The following MKLN1 variants were observed in gnomAD, a reference collection of about 807,000 sequenced individuals.
MKLN1 encodes muskelin.
Under a neutral mutation model 99.0 loss-of-function variants are expected in MKLN1, and 18 were observed. That is an observed-to-expected ratio of 0.18 (90% CI 0.13 to 0.27). The LOEUF is 0.27. Among genes scored for constraint, MKLN1 ranks in the 10% least tolerant of loss-of-function variants. The pLI is 1.00. For synonymous variants in MKLN1, 288 were observed against 293.2 expected (o/e 0.98, Z 0.18); for missense variants, 621 against 875.9 (o/e 0.71, Z 3.67).
intron 2 of MKLN1, among the ~76,000 whole-genome samples, chr7:131,178,779 C>A (rs1377534776): frequency 6.6e-6 from 1 of 152,138 alleles, no homozygotes; most frequent in African/African-American, 2.4e-5. Context: ...CATTTATTTG[C>A]AAACTTTCAT....
At chr7:131,251,187 G>A (rs1797573159) in intron 3 of MKLN1, among the ~76,000 whole-genome samples, 1 of 151,858 alleles carries the variant, frequency 6.6e-6, no homozygotes, top group African/African-American at 2.4e-5. Context: ...GCAATCTTGT[G>A]TAACCACCAT....
rs113324932 is a variant in MKLN1 at position 131,343,399 on chromosome 7, C to T, written c.98+15402C>T. On this transcript the variant is annotated intron_variant, in intron 1 of 17. Coordinates refer to ENST00000352689, the MANE Select transcript of MKLN1 (RefSeq NM_013255.5). Reference sequence around the variant, plus strand: ...TGGTGTTCTTATCCTTATTTCTTTCCACATTCACCCTTTTTAATGCTTTTA... The same window carrying T: ...TGGTGTTCTTATCCTTATTTCTTTCTACATTCACCCTTTTTAATGCTTTTA... Among the ~76,000 whole-genome samples the T allele has an allele frequency of 3.0e-3, 455 of 152,164 alleles. 1 individual carries two copies. The highest frequency in any genetic ancestry group is 0.01 in the African/African-American group (433 of 41,512).
chr7:131,411,100 G>GTCAATTAACAAAA (rs1273552911), intron 6 of MKLN1, among the ~76,000 whole-genome samples: 2 of 152,132 alleles, frequency 1.3e-5, no homozygotes, highest in Non-Finnish European at 2.9e-5. Context: ...TTGTTTGCAT[G>GTCAATTAACAAAA]GTTGTGTCAA....
intron 1 of MKLN1, among the ~76,000 whole-genome samples, chr7:131,373,046 T>C (rs1056581436): frequency 1.3e-5 from 2 of 151,986 alleles, no homozygotes; most frequent in African/African-American, 2.4e-5. Context: ...AACACAGTCA[T>C]TGTCGTGGTT....
chr7:131,435,633 G>GT (rs1795655961), intron 9 of MKLN1, among the ~76,000 whole-genome samples: 1 of 151,922 alleles, frequency 6.6e-6, no homozygotes. Flanking sequence ...GGTAAGTTAG[G>GT]TTTTTTAACA....
chr7:131,220,494 A>T (rs1563256785), intron 3 of MKLN1, among the ~76,000 whole-genome samples: 1 of 152,194 alleles, frequency 6.6e-6, no homozygotes, highest in Non-Finnish European at 1.5e-5. Flanking sequence ...GCAGAGAAAG[A>T]GGTTTAATCA....
At chr7:131,385,998 C>T (rs1794003065) in intron 2 of MKLN1, among the ~76,000 whole-genome samples, 1 of 147,902 alleles carries the variant, frequency 6.8e-6, no homozygotes, top group African/African-American at 2.5e-5. Context: ...TTAGCTCTTA[C>T]ATTTAGGTCT....
In MKLN1 at chr7:131,487,595, C is replaced by A; in HGVS notation, c.2087-12C>A. 6.2e-7 allele frequency: 1 copy of A among 1,609,726 alleles called. No individual in the cohort carries two copies. Among genetic ancestry groups the A allele is most frequent in the Non-Finnish European group, 8.5e-7 (1 of 1,178,370 alleles). On this transcript the variant is annotated splice_polypyrimidine_tract_variant and intron_variant, in intron 17 of 17. Transcript: ENST00000352689. This position sits in a 1 kb window ranked among gnomAD's most constrained non-coding sequence, Gnocchi z 4.7. ...AAACACAATGGATGTTTCTTTGTAT[C>A]TTCTTCACCAGGCTTTTCTGATGTG...
intron 5 of MKLN1, among the ~76,000 whole-genome samples, chr7:131,398,258 T>A (rs1026650614): frequency 6.6e-6 from 1 of 152,168 alleles, no homozygotes; most frequent in Non-Finnish European, 1.5e-5. Flanking sequence ...TTTAAAAAAA[T>A]CCTTTTTATA....
chr7:131,237,405 T>C (rs1479304967), intron 3 of MKLN1, among the ~76,000 whole-genome samples: 1 of 152,164 alleles, frequency 6.6e-6, no homozygotes, highest in Non-Finnish European at 1.5e-5. Context: ...ACTACCTCAT[T>C]TTTCACACAG....
At chr7:131,195,688 C>T (rs1423580629) in intron 2 of MKLN1, among the ~76,000 whole-genome samples, 1 of 152,048 alleles carries the variant, frequency 6.6e-6, no homozygotes, top group East Asian at 1.9e-4. Flanking sequence ...CCCGGTGGCT[C>T]ACGCCTGGAA....
chr7:131,145,688 G>GT (rs1795806494), intron 2 of MKLN1, among the ~76,000 whole-genome samples: 1 of 152,254 alleles, frequency 6.6e-6, no homozygotes, highest in Non-Finnish European at 1.5e-5. Flanking sequence ...AAAGTTTGAG[G>GT]TCTATCCGGC....
chr7:131,239,949 A>G (rs1379694843), intron 3 of MKLN1, among the ~76,000 whole-genome samples: 1 of 152,222 alleles, frequency 6.6e-6, no homozygotes, highest in Non-Finnish European at 1.5e-5. Flanking sequence ...TGGGAGGCTG[A>G]GGCAGGATGA....
chr7:131,315,436 C>T (rs1175870256), intron 3 of MKLN1, among the ~76,000 whole-genome samples: 1 of 152,186 alleles, frequency 6.6e-6, no homozygotes, highest in African/African-American at 2.4e-5. Flanking sequence ...CGTGAGCCTA[C>T]ACCACCAGGG....
chr7:131,160,492 A>AATTATTATTATT (rs60725549), intron 2 of MKLN1, among the ~76,000 whole-genome samples: 23 of 138,970 alleles, frequency 1.7e-4, no homozygotes, highest in East Asian at 8.3e-4. Context: ...TATTATTATT[A>AATTATTATTATT]ATTATTATTA....
intron 11 of MKLN1, among the ~76,000 whole-genome samples, chr7:131,444,044 A>T (rs775327884): frequency 2.0e-5 from 3 of 152,118 alleles, no homozygotes; most frequent in Admixed American, 2.0e-4. Flanking sequence ...CCCTTCTGCT[A>T]TTCTCCATTA....
intron 1 of MKLN1, among the ~76,000 whole-genome samples, chr7:131,133,856 T>A (rs1795606114): frequency 7.3e-6 from 1 of 136,998 alleles, no homozygotes; most frequent in East Asian, 2.1e-4. Flanking sequence ...TGAGACGAAG[T>A]TTTGCTCTTG....
chr7:131,451,180 T>C (rs1796166440), intron 12 of MKLN1, among the ~76,000 whole-genome samples: 3 of 152,260 alleles, frequency 2.0e-5, no homozygotes, highest in Admixed American at 2.0e-4. Context: ...TAAAATATTC[T>C]TAGAAAACAC....
chr7:131,400,794 T>G (rs1401522467), intron 6 of MKLN1, among the ~76,000 whole-genome samples: 1 of 152,058 alleles, frequency 6.6e-6, no homozygotes, highest in Non-Finnish European at 1.5e-5. Context: ...TTGTGCAGTT[T>G]TGATATCTAC....
Sources: gnomAD v4.1 joint callset for allele counts (sites outside exome capture counted in the v4.1 genomes callset) on GRCh38, gnomAD v4.1.1 for gene constraint, Gnocchi (gnomAD v3.1) non-coding constraint, MANE v1.5 for transcripts, NCBI Gene and HGNC (gene_info 2026-07-23, HGNC 2026-07-21) for gene names.